CAMK1D: variants seen among roughly 807,000 people sequenced by gnomAD.
CAMK1D encodes the protein calcium/calmodulin dependent protein kinase ID.
In CAMK1D, 9 loss-of-function variants were observed where a neutral mutation model predicts 47.7. The ratio of observed to expected loss-of-function variants is 0.19; its 90% CI spans 0.11 to 0.33. The LOEUF is 0.33. Ranked by LOEUF, CAMK1D falls within the 10% of genes least tolerant of loss-of-function variation. The pLI is 1.00. For missense variants in CAMK1D, 291 were observed against 488.7 expected, an observed-to-expected ratio of 0.60 and a Z score of 3.81; for synonymous variants, 184 against 184.9, an observed-to-expected ratio of 0.99 and a Z score of 0.04.
chr10:12,572,834 T>C (rs1837369452), intron 2 of CAMK1D, among the ~76,000 whole-genome samples: 1 of 152,182 alleles, frequency 6.6e-6, no homozygotes, highest in Non-Finnish European at 1.5e-5. Context: ...AGTCTCAGTA[T>C]GTTGCCCAGG....
intron 6 of CAMK1D, among the ~76,000 whole-genome samples, chr10:12,794,281 AAG>A (rs1051169599): frequency 6.6e-6 from 1 of 152,154 alleles, no homozygotes; most frequent in Non-Finnish European, 1.5e-5. Context: ...GTTAAGAAAA[AAG>A]AGAGAGGAAT....
At chr10:12,419,948 A>G (rs554522548) in intron 1 of CAMK1D, among the ~76,000 whole-genome samples, 2 of 151,262 alleles carry the variant, frequency 1.3e-5, no homozygotes, top group South Asian at 4.2e-4. Context: ...GAAAAATGAC[A>G]TCTATGTAAC....
At chr10:12,561,887 ATAC>A (rs1362357661) in intron 2 of CAMK1D, among the ~76,000 whole-genome samples, 1 of 152,222 alleles carries the variant, frequency 6.6e-6, no homozygotes. Flanking sequence ...GTTATATCCC[ATAC>A]TACAAAACAA....
chr10:12,401,625 C>A (rs929936515), intron 1 of CAMK1D, among the ~76,000 whole-genome samples: 18 of 151,426 alleles, frequency 1.2e-4, no homozygotes, highest in African/African-American at 4.4e-4. Flanking sequence ...CAGAAGGGGG[C>A]CGTCAGGGTG....
At chr10:12,769,891 A>G (rs1270524432) in intron 5 of CAMK1D, 92 bp downstream of exon 5, 3 of 1,431,896 alleles carry the variant, frequency 2.1e-6, no homozygotes, top group Admixed American at 3.8e-5. Context: ...GTTGTGTGAA[A>G]CATATGAGCT....
intron 2 of CAMK1D, among the ~76,000 whole-genome samples, chr10:12,639,269 G>A (rs1445675332): frequency 1.3e-5 from 2 of 152,192 alleles, no homozygotes; most frequent in African/African-American, 2.4e-5. Context: ...GTGGATCACC[G>A]AGGTCAGGCG....
chr10:12,553,038 G>C (rs2815629), intron 1 of CAMK1D, among the ~76,000 whole-genome samples, 187 bp from the exon 2 acceptor site: 146,573 of 152,342 alleles, frequency 0.96, 70,521 homozygotes, highest in East Asian at 0.99. Flanking sequence ...CCACTGCGCC[G>C]GGCTGCCCCT....
Position 12,830,219 on chromosome 10 carries a change from C to A in CAMK1D, c.*1332C>A, listed in dbSNP as rs974907798. The A allele has an allele frequency of 3.3e-5, 5 of 152,224 alleles. No individual in the cohort carries two copies. The highest frequency in any genetic ancestry group is 1.2e-4 in the African/African-American group (5 of 41,456). The allele number at this position is 152,224 out of a possible 1,614,324, so 9.4% of individuals were successfully genotyped here. On this transcript the variant is annotated 3_prime_UTR_variant, in exon 11 of 11. Coordinates refer to ENST00000619168, the MANE Select transcript of CAMK1D (RefSeq NM_153498.4). Reference sequence around the variant, plus strand: ...GTTTTTAAAAAAATGCATTTCTAATCTTACACTTCACGTGGCCTCCAACAC... The same window carrying A: ...GTTTTTAAAAAAATGCATTTCTAATATTACACTTCACGTGGCCTCCAACAC...
At chr10:12,363,448 T>A (rs1837739654) in intron 1 of CAMK1D, among the ~76,000 whole-genome samples, 1 of 151,996 alleles carries the variant, frequency 6.6e-6, no homozygotes, top group South Asian at 2.1e-4. Flanking sequence ...ACAGATGGGG[T>A]TTCACCACGT....
At chr10:12,612,496 A>G (rs1298696659) in intron 2 of CAMK1D, among the ~76,000 whole-genome samples, 3 of 151,980 alleles carry the variant, frequency 2.0e-5, no homozygotes, top group Non-Finnish European at 4.4e-5. Flanking sequence ...ATGAACCACC[A>G]TGCCTGGTGG....
chr10:12,564,074 TC>T (rs1186321402), intron 2 of CAMK1D, among the ~76,000 whole-genome samples: 8 of 152,084 alleles, frequency 5.3e-5, no homozygotes, highest in Non-Finnish European at 1.2e-4. Flanking sequence ...TGTCTGTCTA[TC>T]TATCTAGATA....
In CAMK1D at chr10:12,361,248, G is replaced by GTTTTTTT. The variant is rs55700646; in HGVS notation, c.92+11348_92+11354dup. Among the ~76,000 whole-genome samples, 502 of 120,024 alleles carry GTTTTTTT rather than the reference G, an allele frequency of 4.2e-3. 6 individuals carry two copies. Among genetic ancestry groups the GTTTTTTT allele is most frequent in the African/African-American group, 0.013 (445 of 34,578 alleles). 78.7% of individuals were successfully genotyped at this position (120,024 alleles called of 152,430 possible). On this transcript the variant is annotated intron_variant, in intron 1 of 10. Transcript: ENST00000619168. ...TAATAACAAGACTTCCTATTTGACTGTTTTTTTTTTTTTTTTGAGATGGAG... is the reference window on the plus strand; with the variant it reads ...TAATAACAAGACTTCCTATTTGACTGTTTTTTTTTTTTTTTTTTTTTTTGAGATGGAG...
At chr10:12,737,631 C>T (rs150969861) in intron 3 of CAMK1D, among the ~76,000 whole-genome samples, 1 of 152,314 alleles carries the variant, frequency 6.6e-6, no homozygotes, top group Non-Finnish European at 1.5e-5. Flanking sequence ...TCTGCCATCC[C>T]TTCCCTTTAA....
intron 3 of CAMK1D, among the ~76,000 whole-genome samples, chr10:12,733,862 A>G (rs1447843119): frequency 6.6e-6 from 1 of 152,158 alleles, no homozygotes; most frequent in Non-Finnish European, 1.5e-5. Context: ...TATTATATAT[A>G]CAGTCATTGT....
intron 5 of CAMK1D, among the ~76,000 whole-genome samples, chr10:12,783,252 C>T (rs1469149819): frequency 2.0e-5 from 3 of 152,212 alleles, no homozygotes; most frequent in Admixed American, 2.0e-4. Flanking sequence ...CTCAGCCTCC[C>T]AAAGTGCTGG....
chr10:12,611,882 C>T (rs1282946720), intron 2 of CAMK1D, among the ~76,000 whole-genome samples: 1 of 152,112 alleles, frequency 6.6e-6, no homozygotes, highest in Non-Finnish European at 1.5e-5. Context: ...CGTGAGCCAC[C>T]GCGCCCAGCC....
intron 1 of CAMK1D, among the ~76,000 whole-genome samples, chr10:12,456,046 C>T (rs935255076): frequency 1.3e-5 from 2 of 152,120 alleles, no homozygotes; most frequent in African/African-American, 4.8e-5. Context: ...CATGCCTTCT[C>T]CAGAAGCTTG....
intron 3 of CAMK1D, 142 bp from the exon 4 acceptor site, chr10:12,760,806 C>T (rs1395720225): frequency 3.2e-5 from 27 of 834,122 alleles, no homozygotes; most frequent in Non-Finnish European, 4.8e-5. Context: ...TGGCTATAGC[C>T]TCTGAGGAAT....
chr10:12,351,689 C>T (rs549066527), intron 1 of CAMK1D, among the ~76,000 whole-genome samples: 2 of 152,168 alleles, frequency 1.3e-5, no homozygotes, highest in Non-Finnish European at 2.9e-5. Context: ...CCTGCTGGAG[C>T]ATGGTGTTTG....
Sources: allele counts gnomAD v4.1 joint callset (sites outside exome capture counted in the v4.1 genomes callset), GRCh38; gene constraint gnomAD v4.1.1; transcripts MANE v1.5; gene names NCBI Gene and HGNC (gene_info 2026-07-23, HGNC 2026-07-21).